MGA: variants seen among roughly 807,000 people sequenced by gnomAD.
MGA encodes MAX dimerization protein MGA, also known as MAX gene-associated protein.
MGA carries 40 observed loss-of-function variants against 261.1 expected under a neutral mutation model. The observed-to-expected ratio is 0.15, with a 90% confidence interval of 0.12 to 0.20. The LOEUF is 0.20. Ranked by LOEUF, MGA falls within the 10% of genes least tolerant of loss-of-function variation. The pLI is 1.00. For missense variants in MGA, 3,397 were observed against 3,630.5 expected (o/e 0.94, Z 1.65); for synonymous variants, 1,302 against 1,290.6 (o/e 1.01, Z -0.19).
At position 41,736,485 on chromosome 15, in the gene MGA, T is replaced by C. The variant is rs778123007; in HGVS notation, c.4221T>C (p.Asp1407=). The change falls in exon 13 of 24, where the codon GAT becomes GAC. Residue 1407 remains aspartate, a synonymous_variant. Coordinates refer to ENST00000219905, the MANE Select transcript of MGA (RefSeq NM_001164273.2). The stretch of plus-strand genomic sequence containing the variant: ...TGCCATCATGTCAAGACCAAGATGA[T>C]ATGGCTGAGAAATCTGGATCAGAGA... 1.2e-6 allele frequency: 2 copies of C among 1,613,892 alleles called. No individual in the cohort carries two copies. Among genetic ancestry groups the C allele is most frequent in the East Asian group, 4.5e-5 (2 of 44,900 alleles).
intron 2 of MGA, among the ~76,000 whole-genome samples, chr15:41,688,944 G>A (rs2059116700): frequency 6.6e-6 from 1 of 151,938 alleles, no homozygotes; most frequent in African/African-American, 2.4e-5. Flanking sequence ...GGGGGAGCGG[G>A]GGATGTCTCT....
chr15:41,656,363 T>TCTCTC (rs2057187243), upstream of MGA, among the ~76,000 whole-genome samples: 1 of 137,282 alleles, frequency 7.3e-6, no homozygotes, highest in African/African-American at 2.6e-5. Flanking sequence ...TCTCTCTCTC[T>TCTCTC]CTCTCTCTCT....
Position 41,695,187 on chromosome 15 carries a change from CT to C in MGA, c.1065-874del, listed in dbSNP as rs533478922. Among the ~76,000 whole-genome samples the C allele has an allele frequency of 8.1e-3, 1,163 of 142,832 alleles. 1 individual carries two copies. Among genetic ancestry groups the C allele is most frequent in the Non-Finnish European group, 0.01 (667 of 64,848 alleles). The allele number at this position is 142,832 out of a possible 152,430, so 93.7% of individuals were successfully genotyped here. On this transcript the variant is annotated intron_variant, in intron 2 of 23. Transcript: ENST00000219905. Reference sequence around the variant, plus strand: ...AATTCGTCATTACTTTATGTGGAATCTTTTTTTTTTTTTTCTTTTTTGACAC... The same window carrying C: ...AATTCGTCATTACTTTATGTGGAATCTTTTTTTTTTTTTCTTTTTTGACAC...
intron 5 of MGA, among the ~76,000 whole-genome samples, chr15:41,701,248 AT>A (rs767533229): frequency 2.9e-3 from 426 of 147,758 alleles, no homozygotes; most frequent in African/African-American, 1.0e-2. Context: ...TTCCACTTCC[AT>A]TTTTTTTGTT....
intron 1 of MGA, among the ~76,000 whole-genome samples, chr15:41,653,496 T>C (rs2057108582): frequency 6.6e-6 from 1 of 151,876 alleles, no homozygotes; most frequent in Admixed American, 6.6e-5. Context: ...TTATAAAATA[T>C]TTTGAAGTAA....
chr15:41,706,117 A>C (rs1482396218), intron 5 of MGA, among the ~76,000 whole-genome samples: 4 of 152,044 alleles, frequency 2.6e-5, no homozygotes, highest in South Asian at 2.1e-4. Context: ...CACGCCTGTA[A>C]TCCCAGCTAC....
chr15:41,675,592 C>T (rs530923534), intron 2 of MGA, among the ~76,000 whole-genome samples: 13 of 152,162 alleles, frequency 8.5e-5, no homozygotes, highest in South Asian at 8.3e-4. Flanking sequence ...TGGCCAGGCT[C>T]GTCTCAAACT....
chr15:41,722,475 C>G (rs1292285683), intron 9 of MGA, among the ~76,000 whole-genome samples: 1 of 151,856 alleles, frequency 6.6e-6, no homozygotes, highest in Admixed American at 6.6e-5. Context: ...TATACTTTGA[C>G]ATTCAAAAAA....
chr15:41,634,409 A>C (rs1816393872), intron 1 of MGA, among the ~76,000 whole-genome samples: 1 of 151,914 alleles, frequency 6.6e-6, no homozygotes, highest in African/African-American at 2.4e-5. Context: ...GGGTCACATG[A>C]CTCTTAATCT....
At chr15:41,724,467 A>C (rs2061119469) in intron 9 of MGA, among the ~76,000 whole-genome samples, 1 of 152,204 alleles carries the variant, frequency 6.6e-6, no homozygotes, top group African/African-American at 2.4e-5. Context: ...AGAAATTCAA[A>C]TATTTGAATG....
At chr15:41,761,625 A>G (rs2063464426) in intron 20 of MGA, 114 bp from the exon 21 acceptor site, 3 of 597,634 alleles carry the variant, frequency 5.0e-6, no homozygotes, top group Non-Finnish European at 8.7e-6. Flanking sequence ...GAATTTAAAA[A>G]TTCTCTTAAG....
At chr15:41,749,033 C>T in intron 16 of MGA, 78 bp from the exon 17 acceptor site, 1 of 1,541,936 alleles carries the variant, frequency 6.5e-7, no homozygotes, top group Non-Finnish European at 8.7e-7. Context: ...GTTACTTTTC[C>T]AAAAAGAAAA....
At chr15:41,730,945 T>C (rs1367363072) in intron 11 of MGA, among the ~76,000 whole-genome samples, 1 of 152,234 alleles carries the variant, frequency 6.6e-6, no homozygotes, top group African/African-American at 2.4e-5. Context: ...TTATAAGTCA[T>C]GTATTTGTGA....
rs2151857108 is a variant in MGA at position 41,742,668 on chromosome 15, A to G, written c.4708A>G (p.Ile1570Val). ...CCTGGCAGGGACACAGAAGTTCAGT[A>G]TCAGACCTTCTCCAGTAATGGTCGT... The change falls in exon 15 of 24, where the codon ATC becomes GTC. Residue 1570 changes from isoleucine (I) to valine (V), a missense_variant. Physicochemically the swap from Ile to Val is conservative, Grantham distance 29. This residue lies in a region of MGA where 1,410 missense variants were observed against 1,386.4 expected (regional missense o/e 1.02). Transcript: ENST00000219905. 1 of 1,614,008 alleles carries G rather than the reference A, an allele frequency of 6.2e-7. No homozygotes were observed. The highest frequency in any genetic ancestry group is 1.1e-5 in the South Asian group (1 of 91,092).
In MGA at chr15:41,672,791, A is replaced by G. The variant is rs181474936; in HGVS notation, c.1064+2833A>G. Among the ~76,000 whole-genome samples, 183 of 152,250 alleles carry G rather than the reference A, an allele frequency of 1.2e-3. 1 individual carries two copies. In the Middle Eastern group the frequency reaches 0.02, roughly 17 times the overall value. On this transcript the variant is annotated intron_variant, in intron 2 of 23. Transcript: ENST00000219905. ...GATGCTTGTAAAGCGTAAAATATTT[A>G]CTATCTGTTCCTTTACAGGAAAAAT...
chr15:41,657,247 A>T (rs549944364), upstream of MGA, among the ~76,000 whole-genome samples: 2 of 150,730 alleles, frequency 1.3e-5, no homozygotes, highest in East Asian at 4.0e-4. Flanking sequence ...TTTCAGTTGT[A>T]GTACTAAATG....
At chr15:41,675,191 T>C (rs78831183) in intron 2 of MGA, among the ~76,000 whole-genome samples, 4,559 of 152,338 alleles carry the variant, frequency 0.03, 116 homozygotes, top group Non-Finnish European at 0.046. Flanking sequence ...ACAGTAGGCA[T>C]ACTTTTAGTA....
intron 1 of MGA, among the ~76,000 whole-genome samples, chr15:41,662,431 A>G (rs1466835376): frequency 2.0e-5 from 3 of 152,198 alleles, no homozygotes; most frequent in East Asian, 1.9e-4. Context: ...CGCAGGTGCA[A>G]TTCTGTGCCT....
chr15:41,714,317 G>A (rs1047430656), intron 9 of MGA, among the ~76,000 whole-genome samples: 8 of 152,106 alleles, frequency 5.3e-5, no homozygotes, highest in Non-Finnish European at 8.8e-5. Context: ...ATGGCTTCAT[G>A]TTGTTATAAT....
Sources: gnomAD v4.1 joint callset for allele counts (sites outside exome capture counted in the v4.1 genomes callset) on GRCh38, gnomAD v4.1.1 for gene constraint, gnomAD v4.1.1 regional missense constraint, MANE v1.5 for transcripts, NCBI Gene and HGNC (gene_info 2026-07-23, HGNC 2026-07-21) for gene names.